The following GREB1 variants were observed in gnomAD, a reference collection of about 807,000 sequenced individuals.
GREB1 encodes protein GREB1.
A neutral mutation model predicts 200.7 loss-of-function variants in GREB1; 106 were observed. The ratio of observed to expected loss-of-function variants is 0.53; its 90% confidence interval spans 0.45 to 0.62. The LOEUF is 0.62. GREB1 is among the 20% of genes least tolerant of loss of function. The probability of loss-of-function intolerance (pLI) is 0.00; values close to 1 mark genes in which losing one functional copy is unlikely to be tolerated. For synonymous variants in GREB1, 1,132 were observed against 1,092.4 expected (o/e 1.04, Z -0.72); for missense variants, 2,243 against 2,556.8 (o/e 0.88, Z 2.65).
Position 11,520,595 on chromosome 2 carries a change from T to A in GREB1, c.-158-35862T>A, listed in dbSNP as rs79942818. ...GGTCAAGTCTCTCTCATGCTTTGAA[T>A]TCCTTCTCCACCCTCTCTCTCCTCT... On this transcript the variant is annotated intron_variant, in intron 1 of 2. Transcript: ENST00000628795. Among the ~76,000 whole-genome samples, 565 of 152,340 alleles carry A rather than the reference T, an allele frequency of 3.7e-3. 6 individuals carry two copies. The highest frequency in any genetic ancestry group is 0.013 in the African/African-American group (538 of 41,588).
Position 11,629,068 on chromosome 2 carries a change from A to C in GREB1, c.4450-880A>C, listed in dbSNP as rs1336726002. ...TCCTCCTTAACTGCCTCCCCGAGTC[A>C]AAATCCCTTTCTCCCTCATCTCTGC... On this transcript the variant is annotated intron_variant, in intron 25 of 32. Coordinates refer to ENST00000381486, the MANE Select transcript of GREB1 (RefSeq NM_014668.4). The surrounding 1 kb of genome is among the most constrained non-coding windows in gnomAD (Gnocchi z 5.2). Among the ~76,000 whole-genome samples, 3 of 152,200 alleles carry C rather than the reference A, an allele frequency of 2.0e-5. No individual in the cohort carries two copies. Among genetic ancestry groups the C allele is most frequent in the African/African-American group, 7.2e-5 (3 of 41,446 alleles).
chr2:11,622,414 C>G (rs1170747260), intron 23 of GREB1, among the ~76,000 whole-genome samples: 4 of 152,196 alleles, frequency 2.6e-5, no homozygotes, highest in Non-Finnish European at 5.9e-5. Flanking sequence ...CATTTCTCCC[C>G]TGCCTTCCTA....
chr2:11,638,599 C>T, intron 31 of GREB1, 72 bp from the exon 32 acceptor site: 1 of 1,433,250 alleles, frequency 7.0e-7, no homozygotes, highest in Non-Finnish European at 9.6e-7. Context: ...TTACTAGGTG[C>T]AAACCTGTAG....
intron 1 of GREB1, among the ~76,000 whole-genome samples, chr2:11,515,158 T>C (rs112504473): frequency 1.4e-5 from 2 of 142,286 alleles, no homozygotes; most frequent in African/African-American, 2.7e-5. Flanking sequence ...TCCGTCCATC[T>C]ATCCATCCAT....
chr2:11,596,557 A>ACTC (rs1681248932), intron 13 of GREB1, among the ~76,000 whole-genome samples: 1 of 52,632 alleles, frequency 1.9e-5, no homozygotes, highest in African/African-American at 1.0e-4. Flanking sequence ...ACAGGTGTGC[A>ACTC]CAGTGAGAAG....
chr2:11,614,806 G>A (rs545986498), intron 19 of GREB1, among the ~76,000 whole-genome samples: 10 of 150,610 alleles, frequency 6.6e-5, no homozygotes, highest in East Asian at 2.0e-4. Context: ...CTTGTGATCC[G>A]CCCGCCTCGG....
intron 17 of GREB1, among the ~76,000 whole-genome samples, chr2:11,607,550 A>G (rs1194826816): frequency 8.1e-6 from 1 of 123,606 alleles, no homozygotes; most frequent in East Asian, 2.5e-4. Context: ...ACATATATGT[A>G]CATACATATA....
At chr2:11,581,700 C>T (rs1198593549) in intron 7 of GREB1, among the ~76,000 whole-genome samples, 3 of 152,164 alleles carry the variant, frequency 2.0e-5, no homozygotes, top group African/African-American at 7.2e-5. Context: ...ATCATGCACT[C>T]AGCTAAATTG....
At chr2:11,593,223 G>A (rs1455048554) in intron 11 of GREB1, 97 bp downstream of exon 11, 6 of 864,792 alleles carry the variant, frequency 6.9e-6, no homozygotes, top group Admixed American at 6.2e-5. Context: ...AGGGTGGCCC[G>A]GGTTTGCAGC....
chr2:11,575,719 C>T (rs1383755929), intron 4 of GREB1, among the ~76,000 whole-genome samples: 1 of 152,200 alleles, frequency 6.6e-6, no homozygotes, highest in African/African-American at 2.4e-5. Flanking sequence ...ATTTTGGACT[C>T]TTAGGAGGTC....
chr2:11,612,733 C>A (rs1357467921), intron 19 of GREB1, 123 bp downstream of exon 19: 2 of 624,328 alleles, frequency 3.2e-6, no homozygotes, highest in Non-Finnish European at 5.7e-6. Context: ...ATTCACAGGC[C>A]CCGTGGGTGG....
intron 1 of GREB1, among the ~76,000 whole-genome samples, chr2:11,498,094 A>G (rs1450468066): frequency 6.8e-6 from 1 of 146,334 alleles, no homozygotes; most frequent in Non-Finnish European, 1.5e-5. Flanking sequence ...CTCCTGGCAG[A>G]GCAAAACATT....
At position 11,584,527 on chromosome 2, in the gene GREB1, A is replaced by G. The variant is rs183454254; in HGVS notation, c.902-634A>G. Reference sequence around the variant, plus strand: ...CTCTCTTCCAGCCCTTCAGAAGTGTATTGGAATATGTCGATAACAATAATG... The same window carrying G: ...CTCTCTTCCAGCCCTTCAGAAGTGTGTTGGAATATGTCGATAACAATAATG... On this transcript the variant is annotated intron_variant, in intron 7 of 32. Coordinates refer to ENST00000381486, the MANE Select transcript of GREB1 (RefSeq NM_014668.4). Among the ~76,000 whole-genome samples the G allele has an allele frequency of 1.4e-3, 209 of 152,280 alleles. 2 individuals are homozygous for G. Among genetic ancestry groups the G allele is most frequent in the African/African-American group, 4.7e-3 (195 of 41,544 alleles).
intron 19 of GREB1, among the ~76,000 whole-genome samples, chr2:11,614,840 T>C (rs1683266134): frequency 3.4e-5 from 2 of 58,408 alleles, no homozygotes; most frequent in African/African-American, 8.9e-5. Context: ...TGCAAGCCCC[T>C]TTTTTATCTG....
intron 5 of GREB1, among the ~76,000 whole-genome samples, chr2:11,577,860 G>A (rs927026453): frequency 1.3e-5 from 2 of 152,212 alleles, no homozygotes; most frequent in Non-Finnish European, 2.9e-5. Context: ...TGTGGGACCA[G>A]TTCACCGTCT....
Position 11,585,714 on chromosome 2 carries a change from G to A in GREB1, c.1016-48G>A, listed in dbSNP as rs1283129819. The A allele has an allele frequency of 1.9e-6, 3 of 1,608,032 alleles. No individual in the cohort carries two copies. In the South Asian group the frequency reaches 3.3e-5, roughly 18 times the overall value. The stretch of plus-strand genomic sequence containing the variant: ...TGGCCTGATGTCAGGTATGTGAGAG[G>A]TGGATGCCTTGTCTGATGTTTTCAC... On this transcript the variant is annotated intron_variant, in intron 8 of 32. Transcript: ENST00000381486.
intron 1 of GREB1, among the ~76,000 whole-genome samples, chr2:11,485,115 C>G (rs1302595574): frequency 6.6e-6 from 1 of 152,168 alleles, no homozygotes; most frequent in Non-Finnish European, 1.5e-5. Flanking sequence ...GCTTGAGCCA[C>G]CGCGCCTGGC....
At chr2:11,595,460 C>A in intron 12 of GREB1, 81 bp downstream of exon 12, 4 of 1,449,766 alleles carry the variant, frequency 2.8e-6, no homozygotes, top group Non-Finnish European at 3.8e-6. Flanking sequence ...CTCTGCCTCA[C>A]CCTGCCTGTG....
intron 15 of GREB1, 46 bp from the exon 16 acceptor site, chr2:11,600,754 G>A: frequency 6.6e-7 from 1 of 1,518,300 alleles, no homozygotes; most frequent in East Asian, 2.3e-5. Context: ...TGCAAAATTA[G>A]AAAACAATAT....
Sources: allele counts gnomAD v4.1 joint callset (sites outside exome capture counted in the v4.1 genomes callset), GRCh38; gene constraint gnomAD v4.1.1; non-coding constraint Gnocchi (gnomAD v3.1); transcripts MANE v1.5; gene names NCBI Gene and HGNC (gene_info 2026-07-23, HGNC 2026-07-21).